ZBTB7C: variants seen among roughly 807,000 people sequenced by gnomAD.
ZBTB7C encodes the protein zinc finger and BTB domain containing 7C.
In ZBTB7C, 8 loss-of-function variants were observed where a neutral mutation model predicts 25.7. The observed-to-expected ratio is 0.31, with a 90% confidence interval of 0.18 to 0.56. The LOEUF (loss-of-function observed/expected upper bound fraction) is 0.56. ZBTB7C is among the 20% of genes least tolerant of loss of function. The probability of loss-of-function intolerance (pLI) is 0.91; values close to 1 mark genes in which losing one functional copy is unlikely to be tolerated. For synonymous variants in ZBTB7C, 394 were observed against 369.0 expected (o/e 1.07, Z -0.78); for missense variants, 824 against 855.2 (o/e 0.96, Z 0.46).
intron 3 of ZBTB7C, among the ~76,000 whole-genome samples, chr18:48,074,012 TTC>T (rs765700690): frequency 6.7e-6 from 1 of 149,506 alleles, no homozygotes; most frequent in Non-Finnish European, 1.5e-5. Flanking sequence ...AAAGAAAAAT[TTC>T]TTTTTTTTTT....
At chr18:48,080,606 C>T (rs2037944194) in intron 3 of ZBTB7C, among the ~76,000 whole-genome samples, 1 of 152,218 alleles carries the variant, frequency 6.6e-6, no homozygotes, top group African/African-American at 2.4e-5. Flanking sequence ...TCTGCACTTC[C>T]CCTTCAAGCT....
At chr18:48,139,009 G>A (rs1315907579) in intron 3 of ZBTB7C, among the ~76,000 whole-genome samples, 1 of 152,184 alleles carries the variant, frequency 6.6e-6, no homozygotes, top group East Asian at 1.9e-4. Flanking sequence ...CTGGAGAGTG[G>A]GGCAAGGTGC....
intron 3 of ZBTB7C, among the ~76,000 whole-genome samples, chr18:48,145,274 G>A (rs558444211): frequency 3.9e-4 from 59 of 152,196 alleles, no homozygotes; most frequent in African/African-American, 1.3e-3. Context: ...GCCCCTCAAA[G>A]GCCTGTCCCT....
At chr18:48,123,627 G>T (rs1001296603) in intron 3 of ZBTB7C, among the ~76,000 whole-genome samples, 14 of 152,000 alleles carry the variant, frequency 9.2e-5, no homozygotes, top group African/African-American at 2.9e-4. Flanking sequence ...CATCCTGCAT[G>T]TTAAACTGCT....
At position 48,167,572 on chromosome 18, in the gene ZBTB7C, G is replaced by GTGTGTGTT. The variant is rs35481456; in HGVS notation, c.-17+18361_-17+18362insAACACACA. Among the ~76,000 whole-genome samples, 267 of 151,008 alleles carry GTGTGTGTT rather than the reference G, an allele frequency of 1.8e-3. 1 individual carries two copies. Among genetic ancestry groups the GTGTGTGTT allele is most frequent in the African/African-American group, 3.8e-3 (153 of 40,560 alleles). ...GCCACTGCATTGCTAGGGTGTGTGTGTGTGTGTGTGTGTGTGTGTGTGTGT... is the reference window on the plus strand; with the variant it reads ...GCCACTGCATTGCTAGGGTGTGTGTGTGTGTGTTTGTGTGTGTGTGTGTGTGTGTGTGT... On this transcript the variant is annotated intron_variant, in intron 3 of 4. Transcript: ENST00000590800.
At chr18:48,253,195 T>C (rs1477258940) in intron 2 of ZBTB7C, among the ~76,000 whole-genome samples, 4 of 151,006 alleles carry the variant, frequency 2.6e-5, no homozygotes, top group Non-Finnish European at 5.9e-5. Flanking sequence ...TATGGTGGAA[T>C]AGGGGTTGAA....
chr18:48,182,541 G>A (rs1000230925), intron 3 of ZBTB7C, among the ~76,000 whole-genome samples: 16 of 152,324 alleles, frequency 1.1e-4, no homozygotes, highest in African/African-American at 2.9e-4. Context: ...GACCTTAGAC[G>A]TCTTCTAAGC....
intron 2 of ZBTB7C, among the ~76,000 whole-genome samples, chr18:48,201,701 C>T (rs2042453024): frequency 6.6e-6 from 1 of 152,118 alleles, no homozygotes; most frequent in African/African-American, 2.4e-5. Flanking sequence ...ATATTTCAGA[C>T]ATACAAAAAG....
At chr18:48,231,059 G>A (rs2043238926) in intron 2 of ZBTB7C, among the ~76,000 whole-genome samples, 1 of 152,196 alleles carries the variant, frequency 6.6e-6, no homozygotes, top group Admixed American at 6.5e-5. Flanking sequence ...TGCTAAGGGT[G>A]GCTTGGTGCA....
At chr18:48,170,894 G>A (rs2041453820) in intron 3 of ZBTB7C, among the ~76,000 whole-genome samples, 2 of 152,250 alleles carry the variant, frequency 1.3e-5, no homozygotes, top group South Asian at 4.2e-4. Flanking sequence ...TTTCATGGGA[G>A]TGTGGTGCCT....
intron 2 of ZBTB7C, among the ~76,000 whole-genome samples, chr18:48,266,360 G>A (rs1475065559): frequency 6.6e-6 from 1 of 152,016 alleles, no homozygotes; most frequent in East Asian, 1.9e-4. Context: ...TTTAACCCCA[G>A]TCTCTTCAGT....
chr18:48,172,452 G>C (rs757385190), intron 3 of ZBTB7C, among the ~76,000 whole-genome samples: 13 of 152,332 alleles, frequency 8.5e-5, no homozygotes, highest in Non-Finnish European at 1.5e-4. Context: ...TTGGGAGCTG[G>C]GAGCGGAGTC....
At chr18:48,277,590 T>G (rs889314171) in intron 2 of ZBTB7C, among the ~76,000 whole-genome samples, 1 of 152,234 alleles carries the variant, frequency 6.6e-6, no homozygotes, top group African/African-American at 2.4e-5. Flanking sequence ...AATACGCTGC[T>G]TAACCATGTG....
chr18:48,410,205 A>T (rs939218333), upstream of ZBTB7C, among the ~76,000 whole-genome samples: 1 of 152,066 alleles, frequency 6.6e-6, no homozygotes, highest in Non-Finnish European at 1.5e-5. Context: ...ACGCCTAGCC[A>T]GCACCTGAAA....
rs754643362 is a variant in ZBTB7C, at chr18:48,029,722, G to A, written c.1398C>T (p.His466=). The A allele has an allele frequency of 6.2e-7, 1 of 1,603,138 alleles. No homozygotes were observed. Among genetic ancestry groups the A allele is most frequent in the East Asian group, 2.2e-5 (1 of 44,864 alleles). ...SFTRSDHLHR[H]IKRQSCRMAR... ...CCATGCGGCAGCTCTGGCGCTTGAT[G>A]TGGCGGTGCAGGTGGTCAGAGCGCG... Residue 466 remains histidine (H), a synonymous_variant, in exon 5 of 5, where the codon CAC becomes CAT. Coordinates refer to ENST00000590800, the MANE Select transcript of ZBTB7C (RefSeq NM_001318841.2).
At chr18:48,261,404 A>G (rs1412048511) in intron 2 of ZBTB7C, among the ~76,000 whole-genome samples, 2 of 152,198 alleles carry the variant, frequency 1.3e-5, no homozygotes, top group African/African-American at 2.4e-5. Flanking sequence ...TTTCCAAGTT[A>G]AGAGACTGAA....
intron 2 of ZBTB7C, among the ~76,000 whole-genome samples, chr18:48,245,995 C>T (rs1397574091): frequency 6.6e-6 from 1 of 152,086 alleles, no homozygotes; most frequent in Admixed American, 6.6e-5. Flanking sequence ...AATCATATAG[C>T]TCAGGTGTAA....
At chr18:48,091,650 A>G (rs1273870370) in intron 3 of ZBTB7C, among the ~76,000 whole-genome samples, 2 of 152,160 alleles carry the variant, frequency 1.3e-5, no homozygotes, top group South Asian at 2.1e-4. Context: ...TGCTTGGCCC[A>G]GCTCCTTCAC....
Position 48,358,731 on chromosome 18 carries a change from T to A in ZBTB7C, c.-303-20333A>T, listed in dbSNP as rs542284755. Among the ~76,000 whole-genome samples the A allele has an allele frequency of 2.7e-4, 41 of 152,312 alleles. 1 individual carries two copies. Among genetic ancestry groups the A allele is most frequent in the African/African-American group, 9.6e-4 (40 of 41,574 alleles). On this transcript the variant is annotated intron_variant, in intron 1 of 4. Transcript: ENST00000590800. Reference sequence around the variant, plus strand: ...CACTGAGGGTTTATGCTAATAAATATAGGGCTTCTTTCTGGAGTGATGCAA... The same window carrying A: ...CACTGAGGGTTTATGCTAATAAATAAAGGGCTTCTTTCTGGAGTGATGCAA...
Sources: allele counts gnomAD v4.1 joint callset (sites outside exome capture counted in the v4.1 genomes callset), GRCh38; gene constraint gnomAD v4.1.1; transcripts MANE v1.5; gene names NCBI Gene and HGNC (gene_info 2026-07-23, HGNC 2026-07-21).